Variants in POU2F1 observed in about 807,000 individuals in gnomAD.
POU2F1 encodes the protein POU domain, class 2, transcription factor 1.
In POU2F1, 16 loss-of-function variants were observed where a neutral mutation model predicts 84.9. That is an observed-to-expected ratio of 0.19 (90% confidence interval 0.13 to 0.29). The LOEUF is 0.29. Ranked by LOEUF, POU2F1 falls within the 10% of genes least tolerant of loss-of-function variation. POU2F1 has a pLI of 1.00. For synonymous variants in POU2F1, 368 were observed against 368.3 expected (o/e 1.00, Z 0.01); for missense variants, 738 against 942.6 (o/e 0.78, Z 2.84).
chr1:167,266,626 T>A (rs1651981159), intron 1 of POU2F1, among the ~76,000 whole-genome samples: 2 of 149,528 alleles, frequency 1.3e-5, no homozygotes, highest in South Asian at 4.3e-4. Context: ...CTATTAATTT[T>A]TTTTTTTTTT....
intron 3 of POU2F1, among the ~76,000 whole-genome samples, chr1:167,368,976 A>G (rs532788625): frequency 8.6e-5 from 13 of 152,040 alleles, no homozygotes; most frequent in Admixed American, 3.9e-4. Flanking sequence ...CTCTTTTTTT[A>G]ATCTAAATCC....
At chr1:167,253,387 C>CCCCT (rs1553198381) in intron 1 of POU2F1, among the ~76,000 whole-genome samples, 6 of 124,378 alleles carry the variant, frequency 4.8e-5, no homozygotes, top group African/African-American at 1.8e-4. Context: ...CCCCCCCCCC[C>CCCCT]CCAAACACAC....
intron 1 of POU2F1, among the ~76,000 whole-genome samples, chr1:167,317,511 A>G (rs1655990019): frequency 6.6e-6 from 1 of 152,234 alleles, no homozygotes; most frequent in Non-Finnish European, 1.5e-5. Context: ...CTTTACCCAC[A>G]TATTTATTGA....
intron 1 of POU2F1, chr1:167,241,282 C>T (rs1649881560): frequency 6.6e-6 from 1 of 152,192 alleles, no homozygotes; most frequent in African/African-American, 2.4e-5. Context: ...CTGTCATAAT[C>T]TATTTGTCTT....
At chr1:167,398,419 GGAAA>G (rs1281306310) in intron 11 of POU2F1, among the ~76,000 whole-genome samples, 1 of 152,090 alleles carries the variant, frequency 6.6e-6, no homozygotes, top group Non-Finnish European at 1.5e-5. Context: ...AAAGGTGGGG[GGAAA>G]GTACTTTAAG....
chr1:167,282,217 A>C (rs1653198589), intron 1 of POU2F1, among the ~76,000 whole-genome samples: 1 of 150,334 alleles, frequency 6.7e-6, no homozygotes, highest in Non-Finnish European at 1.5e-5. Flanking sequence ...ATCCCGGCTC[A>C]CTGCAAGCTC....
At chr1:167,341,974 CA>C (rs1274146447) in intron 2 of POU2F1, among the ~76,000 whole-genome samples, 1 of 152,158 alleles carries the variant, frequency 6.6e-6, no homozygotes, top group Admixed American at 6.5e-5. Flanking sequence ...GAATTCCTCT[CA>C]ACATTCAGAC....
chr1:167,337,030 T>C (rs1657510257), intron 2 of POU2F1, among the ~76,000 whole-genome samples: 1 of 151,930 alleles, frequency 6.6e-6, no homozygotes, highest in South Asian at 2.1e-4. Flanking sequence ...TAGCCGGGCA[T>C]GGTATAGCTG....
intron 13 of POU2F1, among the ~76,000 whole-genome samples, chr1:167,405,220 A>G (rs759597194): frequency 2.0e-5 from 3 of 152,150 alleles, no homozygotes; most frequent in Non-Finnish European, 2.9e-5. Context: ...CATAGTGACA[A>G]AATTGTTGAT....
chr1:167,281,656 C>T (rs1178563723), intron 1 of POU2F1, among the ~76,000 whole-genome samples: 2 of 152,146 alleles, frequency 1.3e-5, no homozygotes, highest in South Asian at 2.1e-4. Context: ...GGCCAAAACT[C>T]GGTGATTGGC....
At chr1:167,227,769 CAG>C (rs1196049193) in intron 1 of POU2F1, among the ~76,000 whole-genome samples, 3 of 152,040 alleles carry the variant, frequency 2.0e-5, no homozygotes, top group Non-Finnish European at 2.9e-5. Flanking sequence ...AATTGAAAAA[CAG>C]TGTATATAAT....
intron 1 of POU2F1, among the ~76,000 whole-genome samples, chr1:167,233,535 A>G (rs1649224377): frequency 6.6e-6 from 1 of 152,226 alleles, no homozygotes; most frequent in African/African-American, 2.4e-5. Flanking sequence ...TCTAGGAGCA[A>G]CAGGCTATAC....
chr1:167,364,454 C>T lies in POU2F1; in HGVS notation c.128-1013C>T, dbSNP rs1380885361. On this transcript the variant is annotated intron_variant, in intron 2 of 15. Coordinates refer to ENST00000367866, the MANE Select transcript of POU2F1 (RefSeq NM_002697.4). The stretch of plus-strand genomic sequence containing the variant: ...CTGAGGCAGGAGAATGGCGTGAACC[C>T]GGGAGGCGGAGCTTGCAGTGAGCCG... 6.9e-5 allele frequency among the ~76,000 whole-genome samples: 8 copies of T among 115,268 alleles called. No homozygotes were observed. In the South Asian group the frequency reaches 2.0e-3, roughly 29 times the overall value. 75.6% of individuals were successfully genotyped at this position (115,268 alleles called of 152,430 possible).
At chr1:167,400,252 T>G (rs1649115151) in intron 12 of POU2F1, among the ~76,000 whole-genome samples, 1 of 151,792 alleles carries the variant, frequency 6.6e-6, no homozygotes, top group Non-Finnish European at 1.5e-5. Context: ...CCTCCCAAAG[T>G]CCCAACGTGC....
intron 1 of POU2F1, among the ~76,000 whole-genome samples, chr1:167,264,070 A>G (rs901016290): frequency 1.3e-5 from 2 of 152,196 alleles, no homozygotes; most frequent in East Asian, 1.9e-4. Flanking sequence ...ACCACTATAT[A>G]TAGTAAACCA....
chr1:167,231,609 A>G (rs10047122), intron 1 of POU2F1, among the ~76,000 whole-genome samples: 2,343 of 152,310 alleles, frequency 0.015, 63 homozygotes, highest in African/African-American at 0.054. Flanking sequence ...CTTGTAATGT[A>G]CTGAGCACTG....
intron 4 of POU2F1, among the ~76,000 whole-genome samples, chr1:167,371,559 G>T (rs1347413877): frequency 2.0e-5 from 3 of 152,130 alleles, no homozygotes; most frequent in Non-Finnish European, 4.4e-5. Flanking sequence ...TGACCACCAG[G>T]TGTATGTTAA....
chr1:167,344,789 C>A (rs1374487581), intron 2 of POU2F1, among the ~76,000 whole-genome samples: 2 of 152,014 alleles, frequency 1.3e-5, no homozygotes, highest in African/African-American at 2.4e-5. Context: ...GTTAGAAGGG[C>A]CTCCTAGTGA....
chr1:167,376,767 G>GGCAAA (rs1432819689), intron 7 of POU2F1, among the ~76,000 whole-genome samples: 9 of 152,046 alleles, frequency 5.9e-5, no homozygotes, highest in African/African-American at 1.9e-4. Flanking sequence ...ATTTCTGAGT[G>GGCAAA]GGTTTTTTTG....
Sources: allele counts gnomAD v4.1 joint callset (sites outside exome capture counted in the v4.1 genomes callset), GRCh38; gene constraint gnomAD v4.1.1; transcripts MANE v1.5; gene names NCBI Gene and HGNC (gene_info 2026-07-23, HGNC 2026-07-21).